Variants in OPHN1 observed in about 807,000 individuals in gnomAD.
OPHN1 encodes the protein oligophrenin 1.
OPHN1 carries 11 observed loss-of-function variants against 60.7 expected under a neutral mutation model. The ratio of observed to expected loss-of-function variants is 0.18; its 90% confidence interval spans 0.11 to 0.30. The LOEUF (loss-of-function observed/expected upper bound fraction) is 0.30. Among genes scored for constraint, OPHN1 ranks in the 10% least tolerant of loss-of-function variants. The pLI, the probability that OPHN1 is intolerant of heterozygous loss-of-function variation, is 1.00. For synonymous variants in OPHN1, 226 were observed against 222.6 expected (o/e 1.02, Z -0.14); for missense variants, 449 against 611.0 (o/e 0.73, Z 2.80).
intron 15 of OPHN1, among the ~76,000 whole-genome samples, chrX:68,158,914 GC>G (rs1370661346): frequency 3.6e-5 from 4 of 111,862 alleles, no homozygotes; most frequent in African/African-American, 1.3e-4. Context: ...GCCCCAATCA[GC>G]CCTGCTCCAG....
intron 2 of OPHN1, among the ~76,000 whole-genome samples, chrX:68,418,455 A>C (rs1377463709): frequency 9.0e-6 from 1 of 111,292 alleles, no homozygotes; most frequent in African/African-American, 3.3e-5. Flanking sequence ...CTGAGTGCAA[A>C]GCCAGGCCAG....
At chrX:68,209,992 C>CTTTTTTTTTTTTTT in intron 9 of OPHN1, 161 bp downstream of exon 9, 2 of 447,205 alleles carry the variant, frequency 4.5e-6, no homozygotes, top group South Asian at 3.0e-5. Context: ...TCAGTTTCTC[C>CTTTTTTTTTTTTTT]TTTTTTTTTT....
chrX:68,052,604 C>T lies in OPHN1; in HGVS notation c.2325-14G>A, dbSNP rs1195511445. 1.7e-6 allele frequency: 2 copies of T among 1,202,350 alleles called. No individual in the cohort carries two copies. Among genetic ancestry groups the T allele is most frequent in the Non-Finnish European group, 2.2e-6 (2 of 889,332 alleles). On this transcript the variant is annotated splice_polypyrimidine_tract_variant and intron_variant, in intron 22 of 24. Transcript: ENST00000355520. Reference sequence around the variant, plus strand: ...CTGGAAGCCACCCTGCAAACAGAAGCCAACCAAGTCCCATAAGTTGCTTTG... The same window carrying T: ...CTGGAAGCCACCCTGCAAACAGAAGTCAACCAAGTCCCATAAGTTGCTTTG...
chrX:68,397,372 A>G (rs1156656097), intron 2 of OPHN1, among the ~76,000 whole-genome samples: 1 of 108,664 alleles, frequency 9.2e-6, no homozygotes, highest in Non-Finnish European at 1.9e-5. Context: ...CAACTCTGCA[A>G]GTTTCCCAGG....
chrX:68,408,261 T>C (rs988474208), intron 2 of OPHN1, among the ~76,000 whole-genome samples: 5 of 112,400 alleles, frequency 4.4e-5, no homozygotes, highest in Admixed American at 2.8e-4. Context: ...ATAGGCCTTA[T>C]ATCTGTTTTC....
At chrX:68,167,951 C>T (rs1459141920) in intron 15 of OPHN1, among the ~76,000 whole-genome samples, 16 of 110,791 alleles carry the variant, frequency 1.4e-4, no homozygotes, top group Non-Finnish European at 3.8e-5. Flanking sequence ...GAGATCATTA[C>T]GTTAAGGAAA....
chrX:68,184,922 C>T (rs1344470374), intron 15 of OPHN1, among the ~76,000 whole-genome samples: 1 of 112,376 alleles, frequency 8.9e-6, no homozygotes, highest in African/African-American at 3.2e-5. Context: ...ATGTGATCAT[C>T]TGGTCAACAC....
chrX:68,395,936 C>T (rs1236941213), intron 2 of OPHN1, among the ~76,000 whole-genome samples: 1 of 111,009 alleles, frequency 9.0e-6, no homozygotes, highest in East Asian at 2.8e-4. Flanking sequence ...TGGAATCTTT[C>T]CTTCCATTAT....
At chrX:68,292,880 G>C (rs896341948) in intron 3 of OPHN1, among the ~76,000 whole-genome samples, 5 of 111,802 alleles carry the variant, frequency 4.5e-5, no homozygotes, top group African/African-American at 1.6e-4. Flanking sequence ...AGGTGCATTG[G>C]GCTAGAACTT....
At position 68,299,062 on chromosome X, in the gene OPHN1, C is replaced by T. The variant is rs761872953; in HGVS notation, c.189G>A (p.Thr63=). Reference sequence around the variant, plus strand: ...TGAAATCAAACTGAAATGACTGCAGCGTCTGGGAAAATTTCTGAACAGCAG... The same window carrying T: ...TGAAATCAAACTGAAATGACTGCAGTGTCTGGGAAAATTTCTGAACAGCAG... ...YSSAVQKFSQ[T]LQSFQFDFIG... Residue 63 remains threonine, a synonymous_variant, in exon 3 of 25, where the codon ACG becomes ACA. Transcript: ENST00000355520. 9.2e-6 allele frequency: 11 copies of T among 1,190,165 alleles called. No individual in the cohort carries two copies. Among genetic ancestry groups the T allele is most frequent in the East Asian group, 3.0e-5 (1 of 32,965 alleles).
intron 15 of OPHN1, among the ~76,000 whole-genome samples, chrX:68,146,523 AT>A (rs2077264367): frequency 8.9e-6 from 1 of 112,447 alleles, no homozygotes; most frequent in Non-Finnish European, 1.9e-5. Context: ...CCAAGAGTTA[AT>A]TTGTATACTC....
intron 23 of OPHN1, among the ~76,000 whole-genome samples, chrX:68,049,803 A>C (rs1290888163): frequency 9.0e-6 from 1 of 110,684 alleles, no homozygotes; most frequent in Admixed American, 9.6e-5. Context: ...CCCTCTTTTC[A>C]CTCCCACATT....
At chrX:68,308,437 A>G (rs1383480109) in intron 2 of OPHN1, among the ~76,000 whole-genome samples, 1 of 108,990 alleles carries the variant, frequency 9.2e-6, no homozygotes. Context: ...CCAAAAATAC[A>G]AAAAATCAGG....
chrX:68,370,471 C>T lies in OPHN1; in HGVS notation c.154+62396G>A, dbSNP rs1012009340. ...TCAGTGAGCTGAGATAGCACCACTGCACTCAAGCCTGGGCAATGGAGTGAG... is the reference window on the plus strand; with the variant it reads ...TCAGTGAGCTGAGATAGCACCACTGTACTCAAGCCTGGGCAATGGAGTGAG... On this transcript the variant is annotated intron_variant, in intron 2 of 24. Coordinates refer to ENST00000355520, the MANE Select transcript of OPHN1 (RefSeq NM_002547.3). Among the ~76,000 whole-genome samples, 23 of 105,254 alleles carry T rather than the reference C, an allele frequency of 2.2e-4. 1 individual carries two copies. The highest frequency in any genetic ancestry group is 5.2e-4 in the Admixed American group (5 of 9,625). The allele number at this position is 105,254 out of a possible 115,157, so 91.4% of individuals were successfully genotyped here.
chrX:68,066,744 T>A (rs1286106701), intron 20 of OPHN1, among the ~76,000 whole-genome samples: 1 of 111,852 alleles, frequency 8.9e-6, no homozygotes, highest in Non-Finnish European at 1.9e-5. Context: ...AGATAAGGAA[T>A]CTAAGACACC....
intron 3 of OPHN1, among the ~76,000 whole-genome samples, chrX:68,294,246 G>A (rs760956599): frequency 1.3e-4 from 14 of 109,960 alleles, no homozygotes; most frequent in African/African-American, 4.3e-4. Flanking sequence ...CAGGGTAGGC[G>A]GATTACCTGA....
At chrX:68,084,858 C>A (rs774778580) in intron 19 of OPHN1, among the ~76,000 whole-genome samples, 2 of 111,930 alleles carry the variant, frequency 1.8e-5, no homozygotes, top group Non-Finnish European at 3.8e-5. Flanking sequence ...GGCTTAAAAC[C>A]ACACTCTCTT....
intron 15 of OPHN1, among the ~76,000 whole-genome samples, chrX:68,162,963 T>A (rs375059792): frequency 2.7e-5 from 3 of 110,946 alleles, no homozygotes; most frequent in East Asian, 2.8e-4. Context: ...AACAAGAAAA[T>A]ATAATAAATC....
intron 15 of OPHN1, among the ~76,000 whole-genome samples, chrX:68,186,157 G>T (rs1344590789): frequency 9.0e-6 from 1 of 111,545 alleles, no homozygotes; most frequent in East Asian, 2.8e-4. Flanking sequence ...GCTGCTGCTA[G>T]ACACTAAGTT....
Sources: allele counts gnomAD v4.1 joint callset (sites outside exome capture counted in the v4.1 genomes callset), GRCh38; gene constraint gnomAD v4.1.1; transcripts MANE v1.5; gene names NCBI Gene and HGNC (gene_info 2026-07-23, HGNC 2026-07-21).